Variants in LRRK2 observed in about 807,000 individuals in gnomAD.
LRRK2 encodes the protein leucine rich repeat kinase 2, also known as leucine-rich repeat serine/threonine-protein kinase 2.
In LRRK2, 203 loss-of-function variants were observed where a neutral mutation model predicts 302.6. The ratio of observed to expected loss-of-function variants is 0.67; its 90% confidence interval spans 0.60 to 0.75. LRRK2 has a LOEUF of 0.75. Ranked by LOEUF, LRRK2 falls within the 30% of genes least tolerant of loss-of-function variation. The probability of loss-of-function intolerance (pLI) is 0.00; values close to 1 mark genes in which losing one functional copy is unlikely to be tolerated. For missense variants in LRRK2, 2,830 were observed against 2,951.0 expected, an observed-to-expected ratio of 0.96 and a Z score of 0.95; for synonymous variants, 1,066 against 1,031.9, an observed-to-expected ratio of 1.03 and a Z score of -0.63.
At chr12:40,333,110 A>G (rs2136931035) in intron 39 of LRRK2, among the ~76,000 whole-genome samples, 1 of 152,250 alleles carries the variant, frequency 6.6e-6, no homozygotes, top group East Asian at 1.9e-4. Flanking sequence ...TCCAGGATAG[A>G]AAATTTGGAT....
At position 40,230,607 on chromosome 12, in the gene LRRK2, T is replaced by G. The variant is rs187671055; in HGVS notation, c.238-1667T>G. 6.5e-4 allele frequency among the ~76,000 whole-genome samples: 99 copies of G among 152,248 alleles called. 1 individual carries two copies. The highest frequency in any genetic ancestry group is 2.2e-3 in the African/African-American group (93 of 41,546). On this transcript the variant is annotated intron_variant, in intron 2 of 50. Coordinates refer to ENST00000298910, the MANE Select transcript of LRRK2 (RefSeq NM_198578.4). ...AGTATTTCTATTATATTGGTATTTA[T>G]TACACATCACACTTAGATACTTTTC...
At chr12:40,267,887 A>C (rs576070424) in intron 14 of LRRK2, among the ~76,000 whole-genome samples, 2 of 152,300 alleles carry the variant, frequency 1.3e-5, no homozygotes, top group Non-Finnish European at 2.9e-5. Context: ...AGGTCCAAAT[A>C]TTGCAGACAC....
intron 19 of LRRK2, among the ~76,000 whole-genome samples, chr12:40,287,120 A>T (rs1392223639): frequency 6.6e-6 from 1 of 151,932 alleles, no homozygotes; most frequent in Non-Finnish European, 1.5e-5. Flanking sequence ...TTCCATAGAG[A>T]TTCAGTTTTG....
At chr12:40,258,520 AT>A (rs1200815047) in intron 12 of LRRK2, among the ~76,000 whole-genome samples, 4 of 152,158 alleles carry the variant, frequency 2.6e-5, no homozygotes, top group Non-Finnish European at 5.9e-5. Context: ...AAGGCATTTA[AT>A]GTTTCTCGCT....
Position 40,323,341 on chromosome 12 carries a change from G to A in LRRK2, c.5656+35G>A, listed in dbSNP as rs17484342. The A allele has an allele frequency of 0.035, 54,773 of 1,556,272 alleles. 2,716 individuals are homozygous for A. The highest frequency in any genetic ancestry group is 0.2 in the Admixed American group (11,620 of 59,056). ...TTTGTTAATTTGAGAATAAAAATTA[G>A]GATGTAATTTTCTCCTTATAATTTA... On this transcript the variant is annotated intron_variant, in intron 38 of 50. Coordinates refer to ENST00000298910, the MANE Select transcript of LRRK2 (RefSeq NM_198578.4).
At position 40,225,236 on chromosome 12, in the gene LRRK2, G is replaced by C. The variant is rs1940805441; in HGVS notation, c.105G>C (p.Leu35=). The change falls in exon 1 of 51, where the codon CTG becomes CTC. Residue 35 remains leucine (L), a synonymous_variant. Coordinates refer to ENST00000298910, the MANE Select transcript of LRRK2 (RefSeq NM_198578.4). The part of the protein sequence containing the change: ...NVQEGKQIET[L]VQILEDLLVF... The stretch of plus-strand genomic sequence containing the variant: ...AGGAAGGAAAACAGATAGAAACGCT[G>C]GTCCAAATCCTGGAGGATCTGCTGG... The C allele has an allele frequency of 1.2e-6, 2 of 1,614,144 alleles. No individual in the cohort carries two copies. The highest frequency in any genetic ancestry group is 1.7e-6 in the Non-Finnish European group (2 of 1,180,008).
At position 40,313,954 on chromosome 12, in the gene LRRK2, T is replaced by C; in HGVS notation, c.4537-18T>C. On this transcript the variant is annotated intron_variant, in intron 31 of 50. Coordinates refer to ENST00000298910, the MANE Select transcript of LRRK2 (RefSeq NM_198578.4). The stretch of plus-strand genomic sequence containing the variant: ...AAATAAAATAGATTTTTACGGCTTG[T>C]CATTTGTAATTTCATAGATCCGAGA... The C allele has an allele frequency of 6.2e-7, 1 of 1,605,998 alleles. No individual in the cohort carries two copies. The highest frequency in any genetic ancestry group is 1.1e-5 in the South Asian group (1 of 90,864).
At chr12:40,329,296 C>G (rs1945640497) in intron 39 of LRRK2, among the ~76,000 whole-genome samples, 1 of 152,114 alleles carries the variant, frequency 6.6e-6, no homozygotes, top group Non-Finnish European at 1.5e-5. Context: ...ATTTTCAAAA[C>G]TTTTGTTTTT....
intron 37 of LRRK2, 147 bp from the exon 38 acceptor site, chr12:40,323,013 A>G: frequency 1.4e-6 from 1 of 702,094 alleles, no homozygotes; most frequent in East Asian, 2.8e-5. Flanking sequence ...AATGTTCTCA[A>G]ATTTCCTAGA....
chr12:40,252,708 AG>A (rs1942327618), intron 10 of LRRK2, among the ~76,000 whole-genome samples: 2 of 152,132 alleles, frequency 1.3e-5, no homozygotes, highest in Admixed American at 1.3e-4. Context: ...CTTTTGAAAA[AG>A]CATAAAAATA....
At position 40,320,074 on chromosome 12, in the gene LRRK2, A is replaced by G. The variant is rs1386917099; in HGVS notation, c.4914A>G (p.Lys1638=). Residue 1638 remains lysine, a synonymous_variant, in exon 34 of 51, where the codon AAA becomes AAG. Transcript: ENST00000298910. The part of the protein sequence containing the change: ...RRDVEKFLSK[K]RKFPKNYMSQ... ...ATGTGGAAAAATTTCTTTCAAAAAA[A>G]AGGAAATTTCCAAAGAACTACATGT... is the stretch of plus-strand genomic sequence containing the variant. 2 of 1,611,618 alleles carry G rather than the reference A, an allele frequency of 1.2e-6. No individual in the cohort carries two copies. The highest frequency in any genetic ancestry group is 2.2e-5 in the East Asian group (1 of 44,834).
At position 40,367,874 on chromosome 12, in the gene LRRK2, C is replaced by A; in HGVS notation, c.*109C>A. 5 of 943,220 alleles carry A rather than the reference C, an allele frequency of 5.3e-6. No individual in the cohort carries two copies. Among genetic ancestry groups the A allele is most frequent in the South Asian group, 3.8e-5 (2 of 53,158 alleles). The allele number at this position is 943,220 out of a possible 1,614,324, so 58.4% of individuals were successfully genotyped here. On this transcript the variant is annotated 3_prime_UTR_variant, in exon 51 of 51. Transcript: ENST00000298910. ...GGTACTCACATTTTTTGAAATAGCT[C>A]GTGTGTATGAAGGAATGTTATTATT...
rs138538499 is a variant in LRRK2 at position 40,227,787 on chromosome 12, C to G, written c.237+2147C>G. 5.0e-3 allele frequency: 757 copies of G among 152,350 alleles called. 5 individuals carry two copies. Among genetic ancestry groups the G allele is most frequent in the Middle Eastern group, 0.017 (5 of 294 alleles). The allele number at this position is 152,350 out of a possible 1,614,324, so 9.4% of individuals were successfully genotyped here. ...CAAAGCTCACTGCAGGCCTGCAATC[C>G]TGGGCTGAAGTAGTCCTCCTGCCTC... is the stretch of plus-strand genomic sequence containing the variant. On this transcript the variant is annotated intron_variant, in intron 2 of 50. Coordinates refer to ENST00000298910, the MANE Select transcript of LRRK2 (RefSeq NM_198578.4).
intron 44 of LRRK2, among the ~76,000 whole-genome samples, chr12:40,352,346 TG>T (rs1320826210): frequency 1.3e-5 from 2 of 152,058 alleles, no homozygotes; most frequent in Non-Finnish European, 2.9e-5. Flanking sequence ...CTCCTAAAAG[TG>T]GATCAATACA....
intron 34 of LRRK2, 44 bp downstream of exon 34, chr12:40,320,219 T>C: frequency 6.9e-7 from 1 of 1,458,126 alleles, no homozygotes; most frequent in Non-Finnish European, 9.6e-7. Context: ...GGAAATTCAC[T>C]ATCTATTCTT....
rs140868817 is a variant in LRRK2 at position 40,333,061 on chromosome 12, T to G, written c.5758-1906T>G. ...GGGGCAGATCTATATTATACTGTAC[T>G]ATTACGCTGTTTTTTCTTTGCAATT... On this transcript the variant is annotated intron_variant, in intron 39 of 50. Transcript: ENST00000298910. Among the ~76,000 whole-genome samples the G allele has an allele frequency of 3.2e-4, 49 of 152,262 alleles. No homozygotes were observed. The East Asian group carries it at 5.6e-3, about 17-fold the overall frequency.
chr12:40,364,658 A>G (rs140698619), intron 48 of LRRK2, among the ~76,000 whole-genome samples, 184 bp from the exon 49 acceptor site: 128 of 152,048 alleles, frequency 8.4e-4, no homozygotes, highest in Non-Finnish European at 1.6e-3. Flanking sequence ...TTATGCTTCA[A>G]GTAAAGAAGT....
chr12:40,333,474 G>A (rs369229021), intron 39 of LRRK2, among the ~76,000 whole-genome samples: 1 of 152,092 alleles, frequency 6.6e-6, no homozygotes, highest in East Asian at 1.9e-4. Context: ...TCAGAGTAAA[G>A]TGCAATATAC....
chr12:40,367,483 A>G lies in LRRK2; in HGVS notation c.7463-161A>G, dbSNP rs532667739. The G allele has an allele frequency of 5.4e-6, 3 of 552,980 alleles. No individual in the cohort carries two copies. In the African/African-American group the frequency reaches 5.9e-5, roughly 11 times the overall value. 34.3% of individuals were successfully genotyped at this position (552,980 alleles called of 1,614,324 possible). On this transcript the variant is annotated intron_variant, in intron 50 of 50. Transcript: ENST00000298910. ...TATAATGTATTATAAAACTTTTCCA[A>G]GTATAGTTTTTTATAAATAATAATT...
Sources: allele counts gnomAD v4.1 joint callset (sites outside exome capture counted in the v4.1 genomes callset), GRCh38; gene constraint gnomAD v4.1.1; transcripts MANE v1.5; gene names NCBI Gene and HGNC (gene_info 2026-07-23, HGNC 2026-07-21).